ROBO1: variants seen among roughly 807,000 people sequenced by gnomAD.
ROBO1 encodes the protein roundabout homolog 1.
A neutral mutation model predicts 195.9 loss-of-function variants in ROBO1; 149 were observed. The observed-to-expected ratio is 0.76, with a 90% CI of 0.67 to 0.87. The LOEUF (loss-of-function observed/expected upper bound fraction) is 0.87. Ranked by LOEUF, ROBO1 falls within the 40% of genes least tolerant of loss-of-function variation. ROBO1 has a pLI of 0.00. For missense variants in ROBO1, 1,933 were observed against 2,068.3 expected (o/e 0.93, Z 1.27); for synonymous variants, 816 against 733.2 (o/e 1.11, Z -1.82).
intron 1 of ROBO1, among the ~76,000 whole-genome samples, chr3:79,621,569 G>A (rs548095682): frequency 6.6e-6 from 1 of 152,282 alleles, no homozygotes; most frequent in South Asian, 2.1e-4. Flanking sequence ...GGACTTCTGA[G>A]TAGAAACCTT....
At chr3:78,799,316 C>T (rs1035161012) in intron 4 of ROBO1, among the ~76,000 whole-genome samples, 1 of 151,536 alleles carries the variant, frequency 6.6e-6, no homozygotes, top group Non-Finnish European at 1.5e-5. Context: ...AAAGTGAGTT[C>T]ACCTACTCTA....
intron 2 of ROBO1, among the ~76,000 whole-genome samples, chr3:79,561,309 G>T (rs930461217): frequency 6.6e-6 from 1 of 152,194 alleles, no homozygotes; most frequent in Non-Finnish European, 1.5e-5. Context: ...CTCCTAAAAG[G>T]AGTTAAGATA....
intron 4 of ROBO1, among the ~76,000 whole-genome samples, chr3:78,838,825 T>TA (rs2032956439): frequency 6.6e-6 from 1 of 152,100 alleles, no homozygotes; most frequent in Non-Finnish European, 1.5e-5. Context: ...CTCAAAAAGA[T>TA]ATGGCCAAAA....
At chr3:79,650,270 A>G (rs1020484010) in intron 1 of ROBO1, among the ~76,000 whole-genome samples, 4 of 151,830 alleles carry the variant, frequency 2.6e-5, no homozygotes, top group African/African-American at 9.7e-5. Flanking sequence ...AAAATGTATA[A>G]TCATATAGAA....
chr3:79,139,552 T>C (rs1318341077), intron 2 of ROBO1, among the ~76,000 whole-genome samples: 3 of 152,148 alleles, frequency 2.0e-5, no homozygotes, highest in African/African-American at 4.8e-5. Context: ...TACCCCTTTA[T>C]AGAATTAAAA....
chr3:79,181,004 G>T (rs909667934), intron 2 of ROBO1, among the ~76,000 whole-genome samples: 1 of 152,112 alleles, frequency 6.6e-6, no homozygotes, highest in African/African-American at 2.4e-5. Flanking sequence ...AATTGAGACC[G>T]CCACTTTAAT....
At chr3:78,732,148 GCTT>G (rs2082300106) in intron 5 of ROBO1, among the ~76,000 whole-genome samples, 1 of 152,030 alleles carries the variant, frequency 6.6e-6, no homozygotes, top group Non-Finnish European at 1.5e-5. Context: ...CCAAAGTAAA[GCTT>G]CTATAGAGGG....
intron 2 of ROBO1, among the ~76,000 whole-genome samples, chr3:79,249,099 T>A (rs1318166805): frequency 1.3e-5 from 2 of 152,192 alleles, no homozygotes; most frequent in Non-Finnish European, 2.9e-5. Context: ...CAGTTGCAAT[T>A]TACCTAACTT....
intron 2 of ROBO1, among the ~76,000 whole-genome samples, chr3:79,198,265 G>C (rs1366077285): frequency 6.6e-6 from 1 of 152,010 alleles, no homozygotes; most frequent in Non-Finnish European, 1.5e-5. Flanking sequence ...TGGCTAGCTA[G>C]TTTTCCCAGC....
intron 1 of ROBO1, among the ~76,000 whole-genome samples, chr3:79,686,172 CG>C (rs1273321100): frequency 1.3e-5 from 2 of 152,136 alleles, no homozygotes; most frequent in Non-Finnish European, 2.9e-5. Flanking sequence ...ATTCAACAAC[CG>C]TTCATGCTAA....
chr3:79,169,313 G>A (rs1433610784), intron 2 of ROBO1, among the ~76,000 whole-genome samples: 1 of 152,138 alleles, frequency 6.6e-6, no homozygotes, highest in Non-Finnish European at 1.5e-5. Flanking sequence ...GCTTTAAGAT[G>A]GAAGCACAGA....
intron 1 of ROBO1, among the ~76,000 whole-genome samples, chr3:79,718,139 T>A (rs1188573975): frequency 6.6e-6 from 1 of 152,040 alleles, no homozygotes; most frequent in Non-Finnish European, 1.5e-5. Context: ...TATCTGCTCA[T>A]AACATTATTT....
chr3:78,600,221 T>C lies in ROBO1; in HGVS notation c.4833A>G (p.Gly1611=). 6.2e-7 allele frequency: 1 copy of C among 1,613,584 alleles called. No homozygotes were observed. Among genetic ancestry groups the C allele is most frequent in the Non-Finnish European group, 8.5e-7 (1 of 1,179,588 alleles). The change falls in exon 30 of 31, where the codon GGA becomes GGG. Residue 1611 remains glycine (G), a synonymous_variant. Transcript: ENST00000464233. ...CTTGTTCTCTTTGTCTGCTTCCTGA[T>C]CCTCTTGATGACATTGAGCTTGAGG... ...PSSSSSMSSR[G]SGSRQREQAN...
chr3:79,558,140 C>T (rs1292492643), intron 2 of ROBO1, among the ~76,000 whole-genome samples: 1 of 152,140 alleles, frequency 6.6e-6, no homozygotes, highest in Non-Finnish European at 1.5e-5. Context: ...CAGGTCCACT[C>T]ATTTGCAGAT....
chr3:79,441,709 G>C (rs1420009811), intron 2 of ROBO1, among the ~76,000 whole-genome samples: 1 of 151,966 alleles, frequency 6.6e-6, no homozygotes, highest in Non-Finnish European at 1.5e-5. Context: ...CAAACAGTGT[G>C]TCAAAGGAAA....
chr3:79,401,865 G>T (rs574345592), intron 2 of ROBO1, among the ~76,000 whole-genome samples: 2 of 151,760 alleles, frequency 1.3e-5, no homozygotes, highest in African/African-American at 4.8e-5. Flanking sequence ...ATTTCTCTAG[G>T]TTTCTTCAAT....
At chr3:79,290,182 C>T (rs774921119) in intron 2 of ROBO1, among the ~76,000 whole-genome samples, 19 of 151,866 alleles carry the variant, frequency 1.3e-4, no homozygotes, top group African/African-American at 1.7e-4. Context: ...GGGAGTAGTC[C>T]GCCACCATGC....
chr3:79,620,020 G>T (rs1944954344), intron 1 of ROBO1, among the ~76,000 whole-genome samples: 1 of 152,176 alleles, frequency 6.6e-6, no homozygotes, highest in Admixed American at 6.5e-5. Flanking sequence ...CAGCATACAA[G>T]AACTTCAAAA....
intron 1 of ROBO1, among the ~76,000 whole-genome samples, chr3:79,648,762 A>ATT (rs1259772384): frequency 6.6e-6 from 1 of 152,136 alleles, no homozygotes; most frequent in Non-Finnish European, 1.5e-5. Context: ...AAAGCATGGT[A>ATT]GTAAAACTGC....
Sources: gnomAD v4.1 joint callset for allele counts (sites outside exome capture counted in the v4.1 genomes callset) on GRCh38, gnomAD v4.1.1 for gene constraint, MANE v1.5 for transcripts, NCBI Gene and HGNC (gene_info 2026-07-23, HGNC 2026-07-21) for gene names.